Variants in PTPRK observed in about 807,000 individuals in gnomAD.
PTPRK encodes the protein receptor-type tyrosine-protein phosphatase kappa.
PTPRK carries 75 observed loss-of-function variants against 178.0 expected under a neutral mutation model. That is an observed-to-expected ratio of 0.42 (90% CI 0.35 to 0.51). The LOEUF (loss-of-function observed/expected upper bound fraction) is 0.51, where lower values mean the gene tolerates loss of function less well. PTPRK is among the 20% of genes least tolerant of loss of function. The pLI is 0.02. For synonymous variants in PTPRK, 637 were observed against 620.6 expected (o/e 1.03, Z -0.39); for missense variants, 1,441 against 1,797.8 (o/e 0.80, Z 3.59).
At chr6:127,981,312 G>A (rs373916726) in intron 24 of PTPRK, 23 bp from the exon 25 acceptor site, 7 of 1,600,628 alleles carry the variant, frequency 4.4e-6, no homozygotes, top group African/African-American at 1.3e-5. Context: ...GAGAACCCAG[G>A]TTAAAAGACA....
chr6:128,082,097 A>G (rs1238013190), intron 10 of PTPRK, among the ~76,000 whole-genome samples: 1 of 152,110 alleles, frequency 6.6e-6, no homozygotes, highest in East Asian at 1.9e-4. Flanking sequence ...GATAACATTC[A>G]TTTAGAGTAA....
chr6:128,062,213 CT>C (rs956241370), intron 13 of PTPRK: 69 of 159,100 alleles, frequency 4.3e-4, no homozygotes, highest in South Asian at 1.7e-3. Context: ...CTTTTCTTTT[CT>C]TTTTTTTTTC....
intron 5 of PTPRK, among the ~76,000 whole-genome samples, chr6:128,239,319 C>T (rs1036363143): frequency 6.6e-6 from 1 of 152,150 alleles, no homozygotes; most frequent in African/African-American, 2.4e-5. Flanking sequence ...GGTCCAGCTT[C>T]CTGGCTTTAG....
intron 1 of PTPRK, among the ~76,000 whole-genome samples, chr6:128,407,009 T>G: frequency 6.6e-6 from 1 of 152,218 alleles, no homozygotes; most frequent in East Asian, 1.9e-4. Flanking sequence ...GTGTGTGTGT[T>G]CATTTCTATA....
rs377479280 is a variant in PTPRK at position 128,189,856 on chromosome 6, G to A, written c.869-5131C>T. On this transcript the variant is annotated intron_variant, in intron 6 of 29. Coordinates refer to ENST00000368226, the MANE Select transcript of PTPRK (RefSeq NM_002844.4). ...ACTAGAAGTGCAAGTAAATGGACAT[G>A]AGGGAGGCTAAGAGGAAGAAGAAAG... Among the ~76,000 whole-genome samples, 26 of 152,264 alleles carry A rather than the reference G, an allele frequency of 1.7e-4. No individual in the cohort carries two copies. The East Asian group carries it at 4.6e-3, about 27-fold the overall frequency.
At chr6:128,000,318 A>G (rs1293990278) in intron 15 of PTPRK, 3 of 1,299,232 alleles carry the variant, frequency 2.3e-6, no homozygotes, top group South Asian at 2.6e-5. Flanking sequence ...CCCATGATAA[A>G]CATTTTTTCT....
chr6:127,984,427 G>A (rs1562382083), intron 22 of PTPRK, among the ~76,000 whole-genome samples: 1 of 152,104 alleles, frequency 6.6e-6, no homozygotes, highest in African/African-American at 2.4e-5. Flanking sequence ...AGAAGTCAAT[G>A]GGGAAAACAA....
intron 2 of PTPRK, among the ~76,000 whole-genome samples, chr6:128,396,344 A>AT (rs1840298702): frequency 6.7e-6 from 1 of 148,500 alleles, no homozygotes; most frequent in African/African-American, 2.4e-5. Context: ...ATAATATATT[A>AT]TATATACATA....
chr6:128,087,746 G>A (rs1417796976), intron 8 of PTPRK, among the ~76,000 whole-genome samples: 4 of 151,990 alleles, frequency 2.6e-5, no homozygotes, highest in Non-Finnish European at 5.9e-5. Flanking sequence ...ATAAGTCTTA[G>A]GTTTATTCTC....
chr6:128,132,215 C>A (rs941032787), intron 7 of PTPRK, among the ~76,000 whole-genome samples: 2 of 152,162 alleles, frequency 1.3e-5, no homozygotes, highest in Non-Finnish European at 2.9e-5. Context: ...CTCACTGTCA[C>A]CCAGGCTGGA....
chr6:128,435,999 AATAT>A (rs1160493296), intron 1 of PTPRK, among the ~76,000 whole-genome samples: 1 of 131,964 alleles, frequency 7.6e-6, no homozygotes, highest in Non-Finnish European at 1.6e-5. Context: ...GGAAAAAAAA[AATAT>A]ATATATATAT....
chr6:128,326,604 A>C (rs1307465932), intron 2 of PTPRK, among the ~76,000 whole-genome samples: 1 of 152,194 alleles, frequency 6.6e-6, no homozygotes. Flanking sequence ...TAAAATATTA[A>C]ACCCACTTAT....
intron 25 of PTPRK, among the ~76,000 whole-genome samples, chr6:127,978,019 C>G (rs749949980): frequency 1.2e-4 from 18 of 152,174 alleles, no homozygotes; most frequent in Non-Finnish European, 2.1e-4. Context: ...AGCACAGGAA[C>G]TGGTTCTTGG....
At chr6:128,404,816 C>G (rs888844324) in intron 1 of PTPRK, among the ~76,000 whole-genome samples, 2 of 152,130 alleles carry the variant, frequency 1.3e-5, no homozygotes, top group African/African-American at 4.8e-5. Context: ...ATGAAACTTG[C>G]CAAGAGTCAC....
intron 3 of PTPRK, among the ~76,000 whole-genome samples, chr6:128,273,817 AAAGC>A (rs1437395404): frequency 5.3e-5 from 8 of 152,190 alleles, no homozygotes; most frequent in Admixed American, 3.3e-4. Context: ...TAATGTCTCA[AAAGC>A]ACCTGAATAG....
At chr6:128,415,192 T>C (rs1413806855) in intron 1 of PTPRK, among the ~76,000 whole-genome samples, 1 of 152,162 alleles carries the variant, frequency 6.6e-6, no homozygotes, top group African/African-American at 2.4e-5. Flanking sequence ...TCAAGAGCTA[T>C]TGTCTACAGA....
chr6:128,317,348 C>T (rs1828146910), intron 3 of PTPRK, among the ~76,000 whole-genome samples: 1 of 151,948 alleles, frequency 6.6e-6, no homozygotes, highest in African/African-American at 2.4e-5. Flanking sequence ...AGTAGATACC[C>T]AATAGATCAT....
At chr6:128,247,191 T>C (rs1815624814) in intron 3 of PTPRK, among the ~76,000 whole-genome samples, 1 of 152,188 alleles carries the variant, frequency 6.6e-6, no homozygotes, top group Non-Finnish European at 1.5e-5. Flanking sequence ...AATTAATATA[T>C]GCAATATGTA....
At chr6:128,472,404 T>G (rs1850801987) in intron 1 of PTPRK, among the ~76,000 whole-genome samples, 1 of 138,330 alleles carries the variant, frequency 7.2e-6, no homozygotes, top group Admixed American at 7.2e-5. Context: ...TTTAGGGAAC[T>G]CCCTGAATTT....
Sources: allele counts gnomAD v4.1 joint callset (sites outside exome capture counted in the v4.1 genomes callset), GRCh38; gene constraint gnomAD v4.1.1; transcripts MANE v1.5; gene names NCBI Gene and HGNC (gene_info 2026-07-23, HGNC 2026-07-21).